The following SEMA6A variants were observed in gnomAD, a reference collection of about 807,000 sequenced individuals.
SEMA6A encodes the protein semaphorin-6A.
Under a neutral mutation model 96.8 loss-of-function variants are expected in SEMA6A, and 25 were observed. The observed-to-expected ratio is 0.26, with a 90% CI of 0.19 to 0.36. The LOEUF (loss-of-function observed/expected upper bound fraction) is 0.36, where lower values mean the gene tolerates loss of function less well. Among genes scored for constraint, SEMA6A ranks in the 10% least tolerant of loss-of-function variants. The probability of loss-of-function intolerance (pLI) is 1.00; values close to 1 mark genes in which losing one functional copy is unlikely to be tolerated. For synonymous variants in SEMA6A, 612 were observed against 518.0 expected (o/e 1.18, Z -2.46); for missense variants, 1,363 against 1,323.1 (o/e 1.03, Z -0.47).
At chr5:116,488,822 C>A (rs1379361678) in intron 8 of SEMA6A, 66 bp downstream of exon 8, 29 of 1,475,500 alleles carry the variant, frequency 2.0e-5, no homozygotes, top group Non-Finnish European at 2.5e-5. Context: ...CCTCCAGACT[C>A]TAAATCTCCC....
At chr5:116,496,411 T>TCTGC in intron 4 of SEMA6A, 98 bp from the exon 5 acceptor site, 2 of 970,114 alleles carry the variant, frequency 2.1e-6, no homozygotes, top group South Asian at 2.9e-5. Context: ...GCTGAACATA[T>TCTGC]ATTTATTGAA....
chr5:116,513,180 T>G (rs1473139290), intron 1 of SEMA6A, among the ~76,000 whole-genome samples: 1 of 151,604 alleles, frequency 6.6e-6, no homozygotes, highest in Non-Finnish European at 1.5e-5. Flanking sequence ...CAGCCTGGAG[T>G]GTAATGGCGC....
intron 1 of SEMA6A, chr5:116,550,595 T>G (rs917852831): frequency 2.6e-5 from 4 of 152,198 alleles, no homozygotes; most frequent in African/African-American, 9.7e-5. Flanking sequence ...ATGTGCCCAG[T>G]GGACATCTCT....
At chr5:116,467,419 C>T (rs1290704525) in intron 18 of SEMA6A, among the ~76,000 whole-genome samples, 164 bp downstream of exon 18, 2 of 152,090 alleles carry the variant, frequency 1.3e-5, no homozygotes, top group Non-Finnish European at 2.9e-5. Flanking sequence ...TAGGATCAAG[C>T]CTCACATAGA....
chr5:116,496,431 C>T, intron 4 of SEMA6A, 118 bp from the exon 5 acceptor site: 1 of 731,638 alleles, frequency 1.4e-6, no homozygotes, highest in East Asian at 2.8e-5. Flanking sequence ...AAGCTTTCTG[C>T]ACCCTTTCTC....
Position 116,482,469 on chromosome 5 carries a change from G to T in SEMA6A, c.1069C>A (p.Pro357Thr), listed in dbSNP as rs1428157563. The T allele has an allele frequency of 2.5e-6, 4 of 1,613,428 alleles. No homozygotes were observed. In the Admixed American group the frequency reaches 6.7e-5, roughly 27 times the overall value. ...CTGGGCTTAGGAACTCGTTCATCAGGAACTGGTGTCCAGGTGGAATCAGGA... is the reference window on the plus strand; with the variant it reads ...CTGGGCTTAGGAACTCGTTCATCAGTAACTGGTGTCCAGGTGGAATCAGGA... The part of the protein sequence containing the change: ...KSPDSTWTPV[P>T]DERVPKPRPG... Residue 357 changes from proline to threonine, a missense_variant, in exon 11 of 19, where the codon CCT (proline) becomes ACT (threonine). Physicochemically the swap from Pro to Thr is conservative, Grantham distance 38. Transcript: ENST00000343348.
chr5:116,555,722 C>T (rs999553540), intron 1 of SEMA6A, among the ~76,000 whole-genome samples: 2 of 151,948 alleles, frequency 1.3e-5, no homozygotes, highest in African/African-American at 4.8e-5. Flanking sequence ...CACCTGTAAT[C>T]CCAGCTACTC....
At chr5:116,474,277 T>TACACACACAC (rs1561480478) in intron 16 of SEMA6A, among the ~76,000 whole-genome samples, 4 of 99,120 alleles carry the variant, frequency 4.0e-5, no homozygotes, top group Non-Finnish European at 8.1e-5. Flanking sequence ...CGTGCACGCA[T>TACACACACAC]GCACACACAC....
At chr5:116,484,856 C>T (rs914639025) in intron 10 of SEMA6A, among the ~76,000 whole-genome samples, 6 of 152,052 alleles carry the variant, frequency 3.9e-5, no homozygotes, top group Admixed American at 2.0e-4. Context: ...ATCTTTGCTC[C>T]GATCAGCCCA....
rs777061815 is a variant in SEMA6A, at chr5:116,477,865, G to T, written c.1630C>A (p.His544Asn). Residue 544 changes from histidine (H) to asparagine (N), a missense_variant, in exon 15 of 19, where the codon CAT (histidine) becomes AAT (asparagine). Physicochemically the swap from His to Asn is moderately conservative, Grantham distance 68. Transcript: ENST00000343348. ...GWIKEGGACS[H>N]LSPNSRLTFE... The stretch of plus-strand genomic sequence containing the variant: ...GCCTACCTGCTGTTGGGTGATAAAT[G>T]GCTGCAGGCACCACCTTCCTTTATC... 11 of 1,613,798 alleles carry T rather than the reference G, an allele frequency of 6.8e-6. No homozygotes were observed. The African/African-American group carries it at 1.2e-4, about 18-fold the overall frequency.
At chr5:116,452,421 GTTTT>G (rs59419584) in intron 18 of SEMA6A, among the ~76,000 whole-genome samples, 1 of 140,982 alleles carries the variant, frequency 7.1e-6, no homozygotes, top group Non-Finnish European at 1.6e-5. Context: ...AATCTCCACT[GTTTT>G]TTTTTTTTTT....
At chr5:116,477,965 T>G (rs1465127285) in intron 14 of SEMA6A, 39 bp from the exon 15 acceptor site, 1 of 1,613,802 alleles carries the variant, frequency 6.2e-7, no homozygotes, top group Admixed American at 1.7e-5. Flanking sequence ...CTAGGACTGT[T>G]TCCTAGCCAC....
At chr5:116,486,221 T>C (rs547233203) in intron 10 of SEMA6A, among the ~76,000 whole-genome samples, 1 of 152,354 alleles carries the variant, frequency 6.6e-6, no homozygotes, top group South Asian at 2.1e-4. Flanking sequence ...ATCCTAGATT[T>C]CACCCTGTAG....
intron 1 of SEMA6A, among the ~76,000 whole-genome samples, chr5:116,540,305 T>G (rs550841582): frequency 6.6e-6 from 1 of 152,230 alleles, no homozygotes; most frequent in Non-Finnish European, 1.5e-5. Context: ...TTACGGTAAA[T>G]GCAAACCAAA....
rs994014775 is a variant in SEMA6A, at chr5:116,495,001, C to A, written c.444+412G>T. ...TCCTGTGTTCTTGTAGGAAAGTCTA[C>A]GGTTTCAAATGCCGTGCTTTTGAGA... is the stretch of plus-strand genomic sequence containing the variant. On this transcript the variant is annotated intron_variant, in intron 6 of 18. Transcript: ENST00000343348. Among the ~76,000 whole-genome samples, 5 of 152,316 alleles carry A rather than the reference C, an allele frequency of 3.3e-5. No individual in the cohort carries two copies. In the East Asian group the frequency reaches 9.6e-4, roughly 29 times the overall value.
At chr5:116,451,695 T>C (rs899024216) in intron 18 of SEMA6A, among the ~76,000 whole-genome samples, 8 of 152,164 alleles carry the variant, frequency 5.3e-5, no homozygotes, top group African/African-American at 1.9e-4. Context: ...AATGAACTTC[T>C]AAACTTGGGA....
At chr5:116,560,468 A>T (rs952757226) in intron 1 of SEMA6A, among the ~76,000 whole-genome samples, 2 of 151,424 alleles carry the variant, frequency 1.3e-5, no homozygotes, top group African/African-American at 4.9e-5. Context: ...TGCTTTCACT[A>T]GATCTAGTAG....
rs536408202 is a variant in SEMA6A, at chr5:116,523,556, C to T, written c.-38-18574G>A. On this transcript the variant is annotated intron_variant, in intron 1 of 18. Coordinates refer to ENST00000343348, the MANE Select transcript of SEMA6A (RefSeq NM_020796.5). ...CGAACTCCTGGGCTCAAGTGATCCA[C>T]CCGCCTCAGTCTCCCAAAGTGTTGG... is the stretch of plus-strand genomic sequence containing the variant. Among the ~76,000 whole-genome samples the T allele has an allele frequency of 2.0e-4, 31 of 152,240 alleles. No individual in the cohort carries two copies. In the South Asian group the frequency reaches 3.7e-3, roughly 18 times the overall value.
At chr5:116,573,471 G>A (rs1329435342) in intron 1 of SEMA6A, among the ~76,000 whole-genome samples, 3 of 152,278 alleles carry the variant, frequency 2.0e-5, no homozygotes, top group South Asian at 4.2e-4. Flanking sequence ...CATGGCGGGG[G>A]CGCCGCGTCA....
Sources: gnomAD v4.1 joint callset for allele counts (sites outside exome capture counted in the v4.1 genomes callset) on GRCh38, gnomAD v4.1.1 for gene constraint, MANE v1.5 for transcripts, NCBI Gene and HGNC (gene_info 2026-07-23, HGNC 2026-07-21) for gene names.